The following SPIRE2 variants were observed in gnomAD, a reference collection of about 807,000 sequenced individuals.
SPIRE2 encodes protein spire homolog 2.
A neutral mutation model predicts 80.7 loss-of-function variants in SPIRE2; 76 were observed. The observed-to-expected ratio is 0.94, with a 90% CI of 0.78 to 1.14. SPIRE2 has a LOEUF of 1.14. Ranked by LOEUF, SPIRE2 falls within the 50% of genes most tolerant of loss-of-function variation. SPIRE2 has a pLI of 0.00. For missense variants in SPIRE2, 1,196 were observed against 1,015.3 expected (o/e 1.18, Z -2.42); for synonymous variants, 535 against 432.6 (o/e 1.24, Z -2.94).
intron 3 of SPIRE2, among the ~76,000 whole-genome samples, chr16:89,851,511 C>T (rs919185254): frequency 6.6e-6 from 1 of 152,140 alleles, no homozygotes; most frequent in Non-Finnish European, 1.5e-5. Flanking sequence ...AAGGCTGGGA[C>T]CCTTGCCCGA....
intron 2 of SPIRE2, chr16:89,849,919 C>A: frequency 2.8e-6 from 1 of 359,980 alleles, no homozygotes; most frequent in South Asian, 2.1e-5. Context: ...TTCACTGCAA[C>A]CTCCACCTCC....
At chr16:89,850,255 GC>G in intron 2 of SPIRE2, 48 bp from the exon 3 acceptor site, 3 of 1,539,126 alleles carry the variant, frequency 1.9e-6, no homozygotes, top group Non-Finnish European at 2.7e-6. Flanking sequence ...CGTTCTCCCC[GC>G]CCCACCCCCC....
intron 10 of SPIRE2, chr16:89,861,868 T>G (rs1054520123): frequency 6.6e-6 from 1 of 152,284 alleles, no homozygotes; most frequent in Non-Finnish European, 1.5e-5. Flanking sequence ...GAGCACGTGG[T>G]TCAAGAGTGA....
intron 13 of SPIRE2, among the ~76,000 whole-genome samples, chr16:89,869,053 A>AATATATATATATAT (rs1555601129): frequency 1.7e-4 from 4 of 24,022 alleles, no homozygotes; most frequent in East Asian, 3.1e-3. Context: ...AAAAAAAAAA[A>AATATATATATATAT]ATATATATAT....
At chr16:89,847,078 C>T (rs2041569075) in intron 2 of SPIRE2, 1 of 151,724 alleles carries the variant, frequency 6.6e-6, no homozygotes, top group Non-Finnish European at 1.5e-5. Flanking sequence ...GTGGGTGTGA[C>T]ACAGACCAAA....
rs553072984 is a variant in SPIRE2 at position 89,868,698 on chromosome 16, C to CA, written c.1806+489dup. Among the ~76,000 whole-genome samples, 11 of 151,866 alleles carry CA rather than the reference C, an allele frequency of 7.2e-5. No individual in the cohort carries two copies. The South Asian group carries it at 2.1e-3, about 29-fold the overall frequency. ...TGAAACCCCATCTCTACTAAAAATA[C>CA]AAAAAAATTAGCTGGGCATGGTGGC... On this transcript the variant is annotated intron_variant, in intron 13 of 14. Transcript: ENST00000378247.
chr16:89,841,889 C>A (rs780847062), intron 1 of SPIRE2, among the ~76,000 whole-genome samples: 1 of 151,816 alleles, frequency 6.6e-6, no homozygotes, highest in Admixed American at 6.6e-5. Context: ...CCACCATGCC[C>A]GGCTAATTTT....
intron 3 of SPIRE2, among the ~76,000 whole-genome samples, chr16:89,853,391 G>A (rs1225509074): frequency 6.6e-6 from 1 of 152,218 alleles, no homozygotes; most frequent in African/African-American, 2.4e-5. Flanking sequence ...GACCAAGTGA[G>A]AGAAGGGTCT....
intron 1 of SPIRE2, among the ~76,000 whole-genome samples, chr16:89,842,664 A>G (rs1257428366): frequency 1.3e-5 from 2 of 152,248 alleles, no homozygotes; most frequent in African/African-American, 4.8e-5. Flanking sequence ...CTGAAGGGCC[A>G]GCCGGCCACC....
intron 5 of SPIRE2, among the ~76,000 whole-genome samples, chr16:89,855,013 A>G (rs1042006416): frequency 2.6e-5 from 4 of 151,960 alleles, no homozygotes; most frequent in Non-Finnish European, 5.9e-5. Flanking sequence ...ACCTTGGCTC[A>G]CTGCAAGCTC....
chr16:89,853,411 G>A (rs1029480769), intron 3 of SPIRE2, among the ~76,000 whole-genome samples: 3 of 152,218 alleles, frequency 2.0e-5, no homozygotes, highest in Non-Finnish European at 4.4e-5. Flanking sequence ...TCTCCATGGG[G>A]TGTAGCTGTG....
chr16:89,831,415 T>A (rs75238884), intron 1 of SPIRE2, among the ~76,000 whole-genome samples: 3 of 148,454 alleles, frequency 2.0e-5, no homozygotes, highest in Middle Eastern at 3.4e-3. Flanking sequence ...TTTTTTTTTT[T>A]ATGAGACAGT....
At chr16:89,837,152 G>A (rs554152085) in intron 1 of SPIRE2, among the ~76,000 whole-genome samples, 8 of 152,270 alleles carry the variant, frequency 5.3e-5, no homozygotes, top group African/African-American at 1.9e-4. Flanking sequence ...CCGTTGTCAG[G>A]CCTGTTAAAT....
intron 5 of SPIRE2, among the ~76,000 whole-genome samples, chr16:89,855,197 C>T (rs534463102): frequency 8.5e-5 from 13 of 152,318 alleles, no homozygotes; most frequent in African/African-American, 3.1e-4. Flanking sequence ...CTCGGCCTCC[C>T]AAAGTGCCAG....
intron 6 of SPIRE2, 198 bp from the exon 7 acceptor site, chr16:89,855,915 C>A (rs767882515): frequency 2.1e-5 from 22 of 1,071,030 alleles, no homozygotes; most frequent in Non-Finnish European, 2.2e-5. Flanking sequence ...CATGCCCACC[C>A]CACCCCAGGT....
intron 4 of SPIRE2, 50 bp from the exon 5 acceptor site, chr16:89,854,437 C>T (rs144574872): frequency 1.2e-5 from 20 of 1,610,194 alleles, no homozygotes; most frequent in Admixed American, 3.3e-5. Flanking sequence ...CCTGGGGGGC[C>T]GTGGAGCTTC....
At chr16:89,850,761 G>C in intron 3 of SPIRE2, 101 bp downstream of exon 3, 3 of 881,900 alleles carry the variant, frequency 3.4e-6, no homozygotes, top group Non-Finnish European at 4.9e-6. Flanking sequence ...TGGACAGAAA[G>C]TCAGGTCGTC....
intron 10 of SPIRE2, among the ~76,000 whole-genome samples, 190 bp downstream of exon 10, chr16:89,860,985 C>T (rs1271704387): frequency 6.6e-6 from 1 of 152,134 alleles, no homozygotes; most frequent in Non-Finnish European, 1.5e-5. Flanking sequence ...GGGCCGTGGT[C>T]TCTGCTGCCG....
At position 89,850,435 on chromosome 16, in the gene SPIRE2, C is replaced by A; in HGVS notation, c.420C>A (p.Ser140Arg). The change falls in exon 3 of 15, where the codon AGC (serine) becomes AGA (arginine). Residue 140 changes from serine (S) to arginine (R), a missense_variant. Physicochemically the swap from Ser to Arg is moderately radical, Grantham distance 110. Transcript: ENST00000378247. ...TGGCCAACAACGACAGCGAGGACAG[C>A]GGCTGCGGTGCCGCCGATGAGGGCT... is the stretch of plus-strand genomic sequence containing the variant. ...DLMANNDSEDSGCGAADEGYG... is the reference protein window; with the variant it reads ...DLMANNDSEDRGCGAADEGYG... 2 of 1,574,322 alleles carry A rather than the reference C, an allele frequency of 1.3e-6. No homozygotes were observed. The highest frequency in any genetic ancestry group is 1.7e-6 in the Non-Finnish European group (2 of 1,161,868).
Sources: allele counts gnomAD v4.1 joint callset (sites outside exome capture counted in the v4.1 genomes callset), GRCh38; gene constraint gnomAD v4.1.1; transcripts MANE v1.5; gene names NCBI Gene and HGNC (gene_info 2026-07-23, HGNC 2026-07-21).